CPNE4: variants seen among roughly 807,000 people sequenced by gnomAD.
The protein encoded by CPNE4 is copine 4.
Under a neutral mutation model 67.9 loss-of-function variants are expected in CPNE4, and 25 were observed. The observed-to-expected ratio is 0.37, with a 90% confidence interval of 0.27 to 0.51. The LOEUF (loss-of-function observed/expected upper bound fraction) is 0.51. CPNE4 is among the 20% of genes least tolerant of loss of function. The pLI is 0.93. For missense variants in CPNE4, 464 were observed against 690.8 expected (o/e 0.67, Z 3.68); for synonymous variants, 242 against 244.9 (o/e 0.99, Z 0.11).
chr3:131,863,480 T>A (rs561505258), intron 2 of CPNE4, among the ~76,000 whole-genome samples: 1 of 152,372 alleles, frequency 6.6e-6, no homozygotes, highest in East Asian at 1.9e-4. Flanking sequence ...CATTTTTACA[T>A]GTGTCTTTTG....
intron 10 of CPNE4, among the ~76,000 whole-genome samples, chr3:131,570,111 ATAAC>A (rs890500548): frequency 2.6e-5 from 4 of 151,794 alleles, no homozygotes; most frequent in East Asian, 1.9e-4. Context: ...TCAATACTAA[ATAAC>A]TAAATACTAT....
At chr3:131,546,605 T>C (rs1401757466) in intron 14 of CPNE4, among the ~76,000 whole-genome samples, 1 of 152,192 alleles carries the variant, frequency 6.6e-6, no homozygotes, top group Non-Finnish European at 1.5e-5. Context: ...GTGGGTTGGA[T>C]GCTTCTTACT....
chr3:131,730,772 G>T (rs2082109849), intron 2 of CPNE4, among the ~76,000 whole-genome samples: 1 of 152,144 alleles, frequency 6.6e-6, no homozygotes, highest in African/African-American at 2.4e-5. Context: ...CAAAAGCCAG[G>T]AGAGGAGCAT....
At chr3:131,736,504 C>A (rs1385734589) in intron 2 of CPNE4, among the ~76,000 whole-genome samples, 1 of 151,610 alleles carries the variant, frequency 6.6e-6, no homozygotes, top group Non-Finnish European at 1.5e-5. Flanking sequence ...CCTGTAGTCC[C>A]AGCTACTCGG....
At chr3:131,750,087 G>A (rs1350569640) in intron 2 of CPNE4, among the ~76,000 whole-genome samples, 1 of 152,112 alleles carries the variant, frequency 6.6e-6, no homozygotes, top group Admixed American at 6.6e-5. Flanking sequence ...TCACCTGAGT[G>A]ACCTTATCTA....
intron 3 of CPNE4, among the ~76,000 whole-genome samples, chr3:131,723,053 A>G (rs1583083059): frequency 1.3e-5 from 2 of 152,372 alleles, no homozygotes; most frequent in East Asian, 3.9e-4. Context: ...AATGTGAATG[A>G]GAAATACTTG....
At chr3:132,015,177 T>G (rs2073861675) in intron 1 of CPNE4, among the ~76,000 whole-genome samples, 1 of 152,126 alleles carries the variant, frequency 6.6e-6, no homozygotes, top group African/African-American at 2.4e-5. Flanking sequence ...ATAATTTGGC[T>G]CAAATTATTG....
At chr3:131,688,771 A>G (rs1248948983) in intron 5 of CPNE4, among the ~76,000 whole-genome samples, 1 of 152,188 alleles carries the variant, frequency 6.6e-6, no homozygotes, top group Non-Finnish European at 1.5e-5. Flanking sequence ...AAAAAGAAGG[A>G]AAAAAGAACC....
intron 7 of CPNE4, among the ~76,000 whole-genome samples, chr3:131,639,735 G>T (rs1193402319): frequency 6.6e-6 from 1 of 152,084 alleles, no homozygotes; most frequent in Non-Finnish European, 1.5e-5. Flanking sequence ...TATCCCTGAT[G>T]AACATAGATG....
intron 3 of CPNE4, among the ~76,000 whole-genome samples, chr3:131,715,482 C>G (rs114848588): frequency 0.018 from 2,691 of 152,296 alleles, 82 homozygotes; most frequent in African/African-American, 0.06. Context: ...GGCTTTGGAG[C>G]TAAAGAGATC....
At chr3:131,696,418 C>T (rs999388635) in intron 5 of CPNE4, 124 bp downstream of exon 5, 1 of 820,158 alleles carries the variant, frequency 1.2e-6, no homozygotes, top group Non-Finnish European at 2.0e-6. Flanking sequence ...GTAGACCTCT[C>T]TGAATTTTTG....
chr3:131,726,873 G>C (rs2082013479), intron 2 of CPNE4, among the ~76,000 whole-genome samples: 1 of 152,184 alleles, frequency 6.6e-6, no homozygotes, highest in African/African-American at 2.4e-5. Context: ...GAAATGAGGA[G>C]ATGTAGAGTC....
In CPNE4 at chr3:131,713,127, GT is replaced by G. The variant is rs5852640; in HGVS notation, c.360+10318del. On this transcript the variant is annotated intron_variant, in intron 3 of 15. Transcript: ENST00000429747. The stretch of plus-strand genomic sequence containing the variant: ...AGGATCAGGACAGGCTCCTGTAGCT[GT>G]TTTTTTTTTAGCATTGATACACTAG... 1.0e-3 allele frequency among the ~76,000 whole-genome samples: 155 copies of G among 149,192 alleles called. 1 individual carries two copies. In the East Asian group the frequency reaches 0.025, roughly 24 times the overall value.
At chr3:131,936,271 T>C (rs1209983401) in intron 1 of CPNE4, among the ~76,000 whole-genome samples, 1 of 151,802 alleles carries the variant, frequency 6.6e-6, no homozygotes, top group Non-Finnish European at 1.5e-5. Context: ...AGTGAATAAA[T>C]AGACTTATAA....
At chr3:131,778,007 T>G (rs1198432071) in intron 2 of CPNE4, among the ~76,000 whole-genome samples, 2 of 152,142 alleles carry the variant, frequency 1.3e-5, no homozygotes, top group Non-Finnish European at 2.9e-5. Flanking sequence ...CCAGCAGGAC[T>G]GTGCTTTGCT....
chr3:131,930,915 C>T (rs564053206), intron 1 of CPNE4, among the ~76,000 whole-genome samples: 5 of 152,162 alleles, frequency 3.3e-5, no homozygotes, highest in Non-Finnish European at 7.4e-5. Context: ...CACATGCCTG[C>T]GCCTCTCATA....
rs777289104 is a variant in CPNE4 at position 131,995,402 on chromosome 3, G to A, written c.-2+39165C>T. Among the ~76,000 whole-genome samples, 68 of 152,074 alleles carry A rather than the reference G, an allele frequency of 4.5e-4. 1 individual carries two copies. The highest frequency in any genetic ancestry group is 4.2e-4 in the South Asian group (2 of 4,814). On this transcript the variant is annotated intron_variant, in intron 1 of 15. Transcript: ENST00000429747. ...AACCCCCCTTCAAGGTTCTGTGGAG[G>A]CCTTTTGCTTCCCAGTATCCAAGTT...
chr3:131,878,139 T>C (rs2087529688), intron 2 of CPNE4, among the ~76,000 whole-genome samples: 1 of 152,220 alleles, frequency 6.6e-6, no homozygotes, highest in Non-Finnish European at 1.5e-5. Context: ...AAAAGAAATG[T>C]ATCCATATGC....
chr3:131,712,868 G>A (rs539590897), intron 3 of CPNE4, among the ~76,000 whole-genome samples: 40 of 152,336 alleles, frequency 2.6e-4, no homozygotes, highest in Non-Finnish European at 5.0e-4. Flanking sequence ...TGGAGATAGC[G>A]ATCTAAATTA....
Sources: gnomAD v4.1 joint callset for allele counts (sites outside exome capture counted in the v4.1 genomes callset) on GRCh38, gnomAD v4.1.1 for gene constraint, MANE v1.5 for transcripts, NCBI Gene and HGNC (gene_info 2026-07-23, HGNC 2026-07-21) for gene names.